The following ADAM18 variants were observed in gnomAD, a reference collection of about 807,000 sequenced individuals.
ADAM18 encodes disintegrin and metalloproteinase domain-containing protein 18.
ADAM18 carries 117 observed loss-of-function variants against 94.4 expected under a neutral mutation model. The ratio of observed to expected loss-of-function variants is 1.24; its 90% confidence interval spans 1.07 to 1.45. The LOEUF is 1.45. ADAM18 is among the 40% of genes most tolerant of loss of function. The probability of loss-of-function intolerance (pLI) is 0.00; values close to 1 mark genes in which losing one functional copy is unlikely to be tolerated. For synonymous variants in ADAM18, 327 were observed against 291.6 expected, an observed-to-expected ratio of 1.12 and a Z score of -1.24; for missense variants, 936 against 880.0, an observed-to-expected ratio of 1.06 and a Z score of -0.81.
rs1030243576 is a variant in ADAM18, at chr8:39,729,866, A to G, written c.2178-32A>G. 9 of 1,595,220 alleles carry G rather than the reference A, an allele frequency of 5.6e-6. 1 individual carries two copies. The highest frequency in any genetic ancestry group is 7.7e-6 in the Non-Finnish European group (9 of 1,163,120). On this transcript the variant is annotated intron_variant, in intron 19 of 19. Transcript: ENST00000265707. The stretch of plus-strand genomic sequence containing the variant: ...TTGGCTACTACTAAACATATTGTGA[A>G]TTTCTATTTTTTCTGTTTTTCTTCA...
intron 17 of ADAM18, among the ~76,000 whole-genome samples, chr8:39,698,964 A>G (rs1296236215): frequency 6.6e-6 from 1 of 152,092 alleles, no homozygotes; most frequent in Non-Finnish European, 1.5e-5. Context: ...TTAGCTTAAG[A>G]ATATGGAAAA....
At chr8:39,670,692 C>T (rs1821128953) in intron 14 of ADAM18, among the ~76,000 whole-genome samples, 1 of 152,100 alleles carries the variant, frequency 6.6e-6, no homozygotes, top group Admixed American at 6.6e-5. Context: ...AAATATAAAA[C>T]CTATAGCTGT....
intron 17 of ADAM18, among the ~76,000 whole-genome samples, chr8:39,705,519 G>A (rs969294371): frequency 2.0e-5 from 3 of 152,004 alleles, no homozygotes; most frequent in Non-Finnish European, 2.9e-5. Flanking sequence ...GAGCCCAGGA[G>A]TTCAAGACCA....
At chr8:39,719,451 G>A (rs1312310520) in intron 18 of ADAM18, among the ~76,000 whole-genome samples, 4 of 151,226 alleles carry the variant, frequency 2.6e-5, no homozygotes, top group Non-Finnish European at 5.9e-5. Flanking sequence ...ACCCCAAAAT[G>A]TGATAAGTTG....
At chr8:39,592,637 A>G (rs888684527) in intron 2 of ADAM18, among the ~76,000 whole-genome samples, 1 of 152,190 alleles carries the variant, frequency 6.6e-6, no homozygotes, top group Admixed American at 6.5e-5. Flanking sequence ...GGAGCTAAAT[A>G]AATGGTACAG....
intron 17 of ADAM18, among the ~76,000 whole-genome samples, chr8:39,702,659 T>C (rs1177429866): frequency 1.3e-5 from 2 of 152,230 alleles, no homozygotes; most frequent in Non-Finnish European, 2.9e-5. Flanking sequence ...TTGATTTTTG[T>C]ATATGGTGTA....
chr8:39,623,311 T>C (rs755764399), intron 6 of ADAM18, among the ~76,000 whole-genome samples: 16 of 152,220 alleles, frequency 1.1e-4, no homozygotes, highest in Non-Finnish European at 2.4e-4. Flanking sequence ...TAAACATATG[T>C]GTGCAGAATT....
At chr8:39,704,214 A>G (rs1822164075) in intron 17 of ADAM18, among the ~76,000 whole-genome samples, 1 of 152,188 alleles carries the variant, frequency 6.6e-6, no homozygotes. Context: ...CTATGAGGAC[A>G]GCATCATCCT....
In ADAM18 at chr8:39,648,485, G is replaced by C; in HGVS notation, c.1188G>C (p.Gly396=). 1 of 1,611,130 alleles carries C rather than the reference G, an allele frequency of 6.2e-7. No individual in the cohort carries two copies. The highest frequency in any genetic ancestry group is 8.5e-7 in the Non-Finnish European group (1 of 1,178,686). ...LHQNQPVCGN[G]ILESNEECDC... ...AAAATCAACCAGTGTGTGGTAATGG[G>C]ATTTTGGAATCCAATGAAGAATGTG... Residue 396 remains glycine, a synonymous_variant, in exon 12 of 20, where the codon GGG becomes GGC. Coordinates refer to ENST00000265707, the MANE Select transcript of ADAM18 (RefSeq NM_014237.3).
rs1490046446 is a variant in ADAM18 at position 39,680,141 on chromosome 8, T to A, written c.1736T>A (p.Val579Glu). The A allele has an allele frequency of 6.2e-7, 1 of 1,613,874 alleles. No homozygotes were observed. Among genetic ancestry groups the A allele is most frequent in the South Asian group, 1.1e-5 (1 of 91,076 alleles). Residue 579 changes from valine to glutamate, a missense_variant, in exon 16 of 20, where the codon GTA (valine) becomes GAA (glutamate). Val to Glu is a moderately radical substitution (Grantham distance 121). Transcript: ENST00000265707. ...VYSYIQDHVC[V>E]SIATGSSMRS... The stretch of plus-strand genomic sequence containing the variant: ...TCATATATTCAAGACCATGTATGTG[T>A]ATCTATAGCCACTGGTTCCTCCATG...
At chr8:39,727,428 C>G (rs989638554) in intron 19 of ADAM18, among the ~76,000 whole-genome samples, 2 of 152,146 alleles carry the variant, frequency 1.3e-5, no homozygotes, top group African/African-American at 2.4e-5. Context: ...ACTTTGCTCC[C>G]CCATCTGATT....
intron 9 of ADAM18, 21 bp from the exon 10 acceptor site, chr8:39,638,444 T>TA (rs1370388406): frequency 3.4e-6 from 5 of 1,486,048 alleles, no homozygotes; most frequent in Admixed American, 4.0e-5. Flanking sequence ...ACTACGTTAA[T>TA]AAAAAATTAT....
chr8:39,711,632 G>C (rs1822403360), intron 18 of ADAM18, among the ~76,000 whole-genome samples: 1 of 151,874 alleles, frequency 6.6e-6, no homozygotes. Flanking sequence ...TCACTACAAG[G>C]GTTTAAAAGT....
intron 14 of ADAM18, among the ~76,000 whole-genome samples, chr8:39,669,900 A>C (rs1821106162): frequency 6.6e-6 from 1 of 152,198 alleles, no homozygotes; most frequent in African/African-American, 2.4e-5. Context: ...ACTGACTTCC[A>C]CAATGGTTGA....
chr8:39,672,118 A>G (rs942117642), intron 14 of ADAM18, among the ~76,000 whole-genome samples: 7 of 152,202 alleles, frequency 4.6e-5, no homozygotes, highest in Non-Finnish European at 8.8e-5. Context: ...CAGAATTGCC[A>G]TAGCAGATAG....
At chr8:39,685,344 T>C (rs1049296445) in intron 16 of ADAM18, 1 of 152,154 alleles carries the variant, frequency 6.6e-6, no homozygotes, top group East Asian at 1.9e-4. Flanking sequence ...CCCAGTGGAG[T>C]CATACCCGAT....
intron 13 of ADAM18, 112 bp from the exon 14 acceptor site, chr8:39,667,886 G>A (rs996826717): frequency 9.1e-7 from 1 of 1,095,648 alleles, no homozygotes; most frequent in Non-Finnish European, 1.3e-6. Context: ...GGGAACTCTG[G>A]TGTTCCCTCA....
intron 16 of ADAM18, among the ~76,000 whole-genome samples, chr8:39,683,710 A>G (rs534496535): frequency 2.8e-4 from 42 of 152,334 alleles, no homozygotes; most frequent in African/African-American, 9.9e-4. Context: ...TCCTGAGTAA[A>G]GTATCTGATC....
At chr8:39,662,781 C>T (rs36014330) in intron 12 of ADAM18, among the ~76,000 whole-genome samples, 18,042 of 152,028 alleles carry the variant, frequency 0.12, 1,299 homozygotes, top group Non-Finnish European at 0.17. Flanking sequence ...CACACCACCA[C>T]GCCTGGCTAA....
Sources: gnomAD v4.1 joint callset for allele counts (sites outside exome capture counted in the v4.1 genomes callset) on GRCh38, gnomAD v4.1.1 for gene constraint, MANE v1.5 for transcripts, NCBI Gene and HGNC (gene_info 2026-07-23, HGNC 2026-07-21) for gene names.